The following NAALADL2 variants were observed in gnomAD, a reference collection of about 807,000 sequenced individuals.
NAALADL2 encodes N-acetylated alpha-linked acidic dipeptidase like 2, also known as inactive N-acetylated-alpha-linked acidic dipeptidase-like protein 2.
In NAALADL2, 76 loss-of-function variants were observed where a neutral mutation model predicts 87.2. That is an observed-to-expected ratio of 0.87 (90% confidence interval 0.72 to 1.05). NAALADL2 has a LOEUF of 1.05. Among genes scored for constraint, NAALADL2 ranks in the 50% least tolerant of loss-of-function variants. The probability of loss-of-function intolerance (pLI) is 0.00; values close to 1 mark genes in which losing one functional copy is unlikely to be tolerated. For missense variants in NAALADL2, 1,089 were observed against 945.8 expected, an observed-to-expected ratio of 1.15 and a Z score of -1.99; for synonymous variants, 354 against 331.0, an observed-to-expected ratio of 1.07 and a Z score of -0.75.
chr3:175,246,254 G>A (rs1747949240), intron 3 of NAALADL2, among the ~76,000 whole-genome samples: 1 of 152,142 alleles, frequency 6.6e-6, no homozygotes. Context: ...ATTTATATAT[G>A]ATAGTAGGAA....
chr3:175,780,224 C>T (rs1458305583), intron 13 of NAALADL2, among the ~76,000 whole-genome samples: 1 of 151,056 alleles, frequency 6.6e-6, no homozygotes. Flanking sequence ...TGCAGTGAGC[C>T]GAGATCGCGC....
At chr3:175,188,307 A>C (rs568219885) in intron 2 of NAALADL2, among the ~76,000 whole-genome samples, 2 of 152,262 alleles carry the variant, frequency 1.3e-5, no homozygotes, top group East Asian at 3.9e-4. Context: ...CTGCTCCTCC[A>C]GGGACCCAGA....
At chr3:174,557,694 A>G (rs1244263023) in intron 2 of NAALADL2, among the ~76,000 whole-genome samples, 1 of 125,188 alleles carries the variant, frequency 8.0e-6, no homozygotes, top group Non-Finnish European at 1.7e-5. Flanking sequence ...CTGCACTACT[A>G]GAACTGTTTT....
intron 1 of NAALADL2, among the ~76,000 whole-genome samples, chr3:175,013,332 TC>T (rs1336505664): frequency 7.6e-6 from 1 of 131,150 alleles, no homozygotes; most frequent in Non-Finnish European, 1.6e-5. Flanking sequence ...AGGGTCTTGC[TC>T]TGTTGTCCAG....
At chr3:174,639,483 T>C (rs1172811024) in intron 2 of NAALADL2, among the ~76,000 whole-genome samples, 1 of 152,174 alleles carries the variant, frequency 6.6e-6, no homozygotes, top group Non-Finnish European at 1.5e-5. Flanking sequence ...AAATCAGATT[T>C]AGCAGTAGTA....
chr3:174,964,334 A>G (rs1186535102), intron 1 of NAALADL2, among the ~76,000 whole-genome samples: 1 of 152,104 alleles, frequency 6.6e-6, no homozygotes, highest in Non-Finnish European at 1.5e-5. Flanking sequence ...TAAGAAGCCT[A>G]ACAGATATCT....
At chr3:174,596,300 C>T (rs1391441997) in intron 2 of NAALADL2, among the ~76,000 whole-genome samples, 4 of 152,162 alleles carry the variant, frequency 2.6e-5, no homozygotes, top group Non-Finnish European at 4.4e-5. Context: ...CTGGGCCTCT[C>T]TACTACCATT....
At chr3:174,814,016 A>G (rs564601524) in intron 3 of NAALADL2, among the ~76,000 whole-genome samples, 14 of 152,302 alleles carry the variant, frequency 9.2e-5, no homozygotes, top group African/African-American at 3.4e-4. Flanking sequence ...CGTATTTCAT[A>G]TAGAAGTTTA....
chr3:175,082,511 G>A (rs1398664236), intron 1 of NAALADL2, among the ~76,000 whole-genome samples: 3 of 152,102 alleles, frequency 2.0e-5, no homozygotes, highest in African/African-American at 7.2e-5. Context: ...AACAATATCA[G>A]TTTTACTTAT....
intron 1 of NAALADL2, among the ~76,000 whole-genome samples, chr3:175,013,063 A>ATATATATAAATATGTATTATATATT (rs1750097289): frequency 0.018 from 660 of 35,832 alleles, 149 homozygotes; most frequent in East Asian, 0.14. Flanking sequence ...ATATATACAC[A>ATATATATAAATATGTATTATATATT]TATATATAAA....
At chr3:174,839,844 A>T (rs1383862798) in intron 3 of NAALADL2, among the ~76,000 whole-genome samples, 2 of 151,552 alleles carry the variant, frequency 1.3e-5, no homozygotes, top group African/African-American at 2.4e-5. Flanking sequence ...AAAAATAATA[A>T]AAAAAAATAG....
At chr3:174,849,013 A>G (rs1487802285) in intron 3 of NAALADL2, among the ~76,000 whole-genome samples, 1 of 152,170 alleles carries the variant, frequency 6.6e-6, no homozygotes, top group Non-Finnish European at 1.5e-5. Context: ...ATATCTAAAC[A>G]TGGAAAAGGT....
rs188187128 is a variant in NAALADL2, at chr3:174,796,366, C to T, written c.-9+58620C>T. Among the ~76,000 whole-genome samples the T allele has an allele frequency of 3.9e-5, 6 of 152,110 alleles. No homozygotes were observed. In the East Asian group the frequency reaches 1.2e-3, roughly 29 times the overall value. Reference sequence around the variant, plus strand: ...ATTAAGTAATTTCTCATCATACCACCCCTCCCAAATGCTTTCCACCCTTCT... The same window carrying T: ...ATTAAGTAATTTCTCATCATACCACTCCTCCCAAATGCTTTCCACCCTTCT... On this transcript the variant is annotated intron_variant, in intron 3 of 3. Coordinates refer to the NAALADL2 transcript ENST00000434257.
chr3:175,705,847 G>C lies in NAALADL2; in HGVS notation c.1897-31459G>C, dbSNP rs35713727. 5.6e-3 allele frequency among the ~76,000 whole-genome samples: 857 copies of C among 152,170 alleles called. 4 individuals carry two copies. Among genetic ancestry groups the C allele is most frequent in the South Asian group, 0.016 (78 of 4,824 alleles). On this transcript the variant is annotated intron_variant, in intron 11 of 13. Coordinates refer to ENST00000454872, the MANE Select transcript of NAALADL2 (RefSeq NM_207015.3). ...ATTCCTTTATCTAACTGTGCTCCTTGTGAATGGGCTCAACATTAAACTCAA... is the reference window on the plus strand; with the variant it reads ...ATTCCTTTATCTAACTGTGCTCCTTCTGAATGGGCTCAACATTAAACTCAA...
At chr3:174,908,527 G>A (rs1296452722) in intron 1 of NAALADL2, among the ~76,000 whole-genome samples, 1 of 152,002 alleles carries the variant, frequency 6.6e-6, no homozygotes, top group Non-Finnish European at 1.5e-5. Context: ...TTTTCAAAGT[G>A]GGTTGAATTT....
intron 9 of NAALADL2, among the ~76,000 whole-genome samples, chr3:175,475,590 A>C (rs1219430060): frequency 6.6e-6 from 1 of 152,226 alleles, no homozygotes; most frequent in East Asian, 1.9e-4. Context: ...ATATGAAAGC[A>C]GTCCATCTAG....
intron 2 of NAALADL2, among the ~76,000 whole-genome samples, chr3:175,142,648 T>G (rs906898585): frequency 1.3e-5 from 2 of 151,982 alleles, no homozygotes; most frequent in African/African-American, 2.4e-5. Context: ...TCTCCTAGAT[T>G]TATTGAACTG....
chr3:174,822,195 A>G (rs886109793), intron 3 of NAALADL2, among the ~76,000 whole-genome samples: 1 of 151,964 alleles, frequency 6.6e-6, no homozygotes, highest in Non-Finnish European at 1.5e-5. Flanking sequence ...GGGGAGAGAG[A>G]GAGTGAGCGA....
intron 1 of NAALADL2, among the ~76,000 whole-genome samples, chr3:174,508,944 GA>G (rs1286279929): frequency 6.6e-6 from 1 of 151,976 alleles, no homozygotes; most frequent in East Asian, 1.9e-4. Flanking sequence ...TGTCACTTTT[GA>G]TTTTTCTATG....
Sources: allele counts gnomAD v4.1 joint callset (sites outside exome capture counted in the v4.1 genomes callset), GRCh38; gene constraint gnomAD v4.1.1; transcripts MANE v1.5; gene names NCBI Gene and HGNC (gene_info 2026-07-23, HGNC 2026-07-21).